The following CACNG4 variants were observed in gnomAD, a reference collection of about 807,000 sequenced individuals.
CACNG4 encodes voltage-dependent calcium channel gamma-4 subunit.
A neutral mutation model predicts 22.9 loss-of-function variants in CACNG4; 8 were observed. The observed-to-expected ratio is 0.35, with a 90% CI of 0.21 to 0.63. The LOEUF is 0.63. Ranked by LOEUF, CACNG4 falls within the 30% of genes least tolerant of loss-of-function variation. CACNG4 has a pLI of 0.72. For missense variants in CACNG4, 357 were observed against 455.4 expected, an observed-to-expected ratio of 0.78 and a Z score of 1.97; for synonymous variants, 188 against 191.9, an observed-to-expected ratio of 0.98 and a Z score of 0.17.
At chr17:67,012,079 T>G (rs893444484) in intron 1 of CACNG4, among the ~76,000 whole-genome samples, 1 of 152,146 alleles carries the variant, frequency 6.6e-6, no homozygotes, top group African/African-American at 2.4e-5. Context: ...CAGCCCTGCT[T>G]CTATAGAGGA....
At chr17:67,020,869 A>C (rs1033307177) in intron 2 of CACNG4, among the ~76,000 whole-genome samples, 5 of 152,204 alleles carry the variant, frequency 3.3e-5, no homozygotes, top group Non-Finnish European at 5.9e-5. Flanking sequence ...GATATTTGCA[A>C]GAAGTGAGGG....
In CACNG4 at chr17:67,031,351, G is replaced by A. The variant is rs563586746; in HGVS notation, c.*347G>A. The A allele has an allele frequency of 1.0e-5, 5 of 500,862 alleles. No individual in the cohort carries two copies. Among genetic ancestry groups the A allele is most frequent in the Non-Finnish European group, 1.9e-5 (5 of 256,846 alleles). 31.0% of individuals were successfully genotyped at this position (500,862 alleles called of 1,614,324 possible). On this transcript the variant is annotated 3_prime_UTR_variant, in exon 4 of 4. Transcript: ENST00000262138. The surrounding 1 kb of genome is among the most constrained non-coding windows in gnomAD (Gnocchi z 4.0). ...TGAGCCATTATCTCCTCTTGGAAACGAATCTTGCCAGAAAAACGGGATTTC... is the reference window on the plus strand; with the variant it reads ...TGAGCCATTATCTCCTCTTGGAAACAAATCTTGCCAGAAAAACGGGATTTC...
intron 1 of CACNG4, among the ~76,000 whole-genome samples, chr17:66,978,536 G>A (rs1323512455): frequency 6.6e-6 from 1 of 152,112 alleles, no homozygotes; most frequent in Non-Finnish European, 1.5e-5. Flanking sequence ...ACTCCCTGAG[G>A]ACATTTCAGG....
chr17:67,030,896 C>T lies in CACNG4; in HGVS notation c.876C>T (p.Tyr292=), dbSNP rs1400040175. The change falls in exon 4 of 4, where the codon TAC becomes TAT. Residue 292 remains tyrosine, a synonymous_variant. Coordinates refer to ENST00000262138, the MANE Select transcript of CACNG4 (RefSeq NM_014405.4). This position sits in a 1 kb window ranked among gnomAD's most constrained non-coding sequence, Gnocchi z 6.4. ...EPLKVTTAAS[Y]SPDQEASFLQ... ...TCAAGGTGACCACCGCAGCCAGCTACAGCCCCGACCAGGAGGCCAGCTTCC... is the reference window on the plus strand; with the variant it reads ...TCAAGGTGACCACCGCAGCCAGCTATAGCCCCGACCAGGAGGCCAGCTTCC... 1 of 1,612,802 alleles carries T rather than the reference C, an allele frequency of 6.2e-7. No homozygotes were observed. Among genetic ancestry groups the T allele is most frequent in the African/African-American group, 1.3e-5 (1 of 75,056 alleles).
chr17:66,966,008 C>T (rs1323225257), intron 1 of CACNG4, among the ~76,000 whole-genome samples: 1 of 152,180 alleles, frequency 6.6e-6, no homozygotes, highest in East Asian at 1.9e-4. Flanking sequence ...GTGGTCATCT[C>T]GTCGGAGCTG....
At chr17:67,026,483 GTC>G (rs1289629518) in intron 3 of CACNG4, among the ~76,000 whole-genome samples, 1 of 149,912 alleles carries the variant, frequency 6.7e-6, no homozygotes, top group Non-Finnish European at 1.5e-5. Context: ...TGTGGGGTGT[GTC>G]TGTATTTGAG....
At chr17:66,993,444 C>T (rs1677481732) in intron 1 of CACNG4, among the ~76,000 whole-genome samples, 3 of 152,170 alleles carry the variant, frequency 2.0e-5, no homozygotes, top group Admixed American at 1.3e-4. Context: ...AGAGTTCATA[C>T]ATCTGGGGGC....
At chr17:67,016,449 T>G (rs112390391) in intron 1 of CACNG4, among the ~76,000 whole-genome samples, 3 of 152,120 alleles carry the variant, frequency 2.0e-5, no homozygotes, top group African/African-American at 7.2e-5. Flanking sequence ...AGGAAAGAGC[T>G]TGGGGACGGC....
At chr17:66,972,760 C>T (rs1001756252) in intron 1 of CACNG4, among the ~76,000 whole-genome samples, 17 of 151,444 alleles carry the variant, frequency 1.1e-4, no homozygotes, top group Admixed American at 5.9e-4. Flanking sequence ...ACCCCGTCTC[C>T]GCTAAAAATA....
intron 2 of CACNG4, among the ~76,000 whole-genome samples, chr17:67,024,037 CTAATCAGTGGCAGAGCGAGGT>C (rs1404570267): frequency 1.3e-5 from 2 of 152,180 alleles, no homozygotes; most frequent in Non-Finnish European, 2.9e-5. Flanking sequence ...CCCCGGTCAG[CTAATCAGTGGCAGAGCGAGGT>C]TAGTCAGTGG....
intron 1 of CACNG4, among the ~76,000 whole-genome samples, chr17:66,980,246 C>T (rs973790425): frequency 2.6e-5 from 4 of 152,158 alleles, no homozygotes; most frequent in African/African-American, 9.7e-5. Flanking sequence ...GCTTCCATCC[C>T]TAGAAATCCA....
intron 1 of CACNG4, among the ~76,000 whole-genome samples, chr17:66,965,473 G>T (rs1567747580): frequency 6.6e-6 from 1 of 150,864 alleles, no homozygotes; most frequent in Non-Finnish European, 1.5e-5. Context: ...CCCGGGACCC[G>T]AGCGATCCCC....
chr17:67,012,649 C>G (rs1203672490), intron 1 of CACNG4, among the ~76,000 whole-genome samples: 1 of 152,172 alleles, frequency 6.6e-6, no homozygotes, highest in East Asian at 1.9e-4. Context: ...TGGTTAATCC[C>G]TCAAACTTCC....
chr17:66,978,947 T>C (rs910050641), intron 1 of CACNG4, among the ~76,000 whole-genome samples: 1 of 152,220 alleles, frequency 6.6e-6, no homozygotes, highest in East Asian at 1.9e-4. Context: ...GTCTTCTACC[T>C]TGTGGCCTGC....
chr17:66,977,570 C>T (rs905463964), intron 1 of CACNG4, among the ~76,000 whole-genome samples: 3 of 152,180 alleles, frequency 2.0e-5, no homozygotes, highest in Non-Finnish European at 4.4e-5. Flanking sequence ...GATAGACCCT[C>T]CCCTCCCCCA....
chr17:66,982,273 A>G (rs4790895), intron 1 of CACNG4, among the ~76,000 whole-genome samples: 31,121 of 150,886 alleles, frequency 0.21, 5,488 homozygotes, highest in African/African-American at 0.49. Flanking sequence ...GTTTTACAGC[A>G]TGCTGATTGG....
chr17:66,969,455 C>T (rs1051899239), intron 1 of CACNG4, among the ~76,000 whole-genome samples: 20 of 152,220 alleles, frequency 1.3e-4, no homozygotes, highest in Admixed American at 1.3e-3. Flanking sequence ...TTTGTGCCAG[C>T]TCTGTGCTGG....
At chr17:66,990,910 G>A (rs1346654854) in intron 1 of CACNG4, among the ~76,000 whole-genome samples, 2 of 151,938 alleles carry the variant, frequency 1.3e-5, no homozygotes, top group African/African-American at 4.8e-5. Flanking sequence ...TCGATCTCCT[G>A]ACCTCGTGAT....
intron 1 of CACNG4, among the ~76,000 whole-genome samples, chr17:67,013,690 G>A (rs756848645): frequency 1.3e-4 from 20 of 152,074 alleles, no homozygotes; most frequent in African/African-American, 1.7e-4. Flanking sequence ...CTGTAGTCCC[G>A]GCTACTTGGG....
Sources: gnomAD v4.1 joint callset for allele counts (sites outside exome capture counted in the v4.1 genomes callset) on GRCh38, gnomAD v4.1.1 for gene constraint, Gnocchi (gnomAD v3.1) non-coding constraint, MANE v1.5 for transcripts, NCBI Gene and HGNC (gene_info 2026-07-23, HGNC 2026-07-21) for gene names.